Variants in CNTNAP2 observed in about 807,000 individuals in gnomAD.
CNTNAP2 encodes the protein contactin-associated protein-like 2.
CNTNAP2 carries 98 observed loss-of-function variants against 155.2 expected under a neutral mutation model. The ratio of observed to expected loss-of-function variants is 0.63; its 90% CI spans 0.54 to 0.75. The LOEUF (loss-of-function observed/expected upper bound fraction) is 0.75. CNTNAP2 is among the 30% of genes least tolerant of loss of function. The pLI is 0.00. For missense variants in CNTNAP2, 1,727 were observed against 1,688.1 expected (o/e 1.02, Z -0.40); for synonymous variants, 651 against 631.2 (o/e 1.03, Z -0.47).
chr7:146,846,783 T>C (rs1055809756), intron 3 of CNTNAP2, among the ~76,000 whole-genome samples: 7 of 152,146 alleles, frequency 4.6e-5, no homozygotes, highest in Non-Finnish European at 8.8e-5. Flanking sequence ...ATTATTGGCA[T>C]ATATTATGAG....
chr7:147,487,535 A>G (rs922488353), intron 11 of CNTNAP2, among the ~76,000 whole-genome samples: 2 of 152,214 alleles, frequency 1.3e-5, no homozygotes, highest in African/African-American at 2.4e-5. Context: ...ATTTAATTAC[A>G]CGGGATCTTG....
intron 8 of CNTNAP2, among the ~76,000 whole-genome samples, chr7:147,269,464 A>G (rs935472450): frequency 6.6e-6 from 1 of 152,154 alleles, no homozygotes; most frequent in South Asian, 2.1e-4. Flanking sequence ...AAGGAGAAGG[A>G]GTGACTTAGA....
rs530241954 is a variant in CNTNAP2, at chr7:146,327,238, T to A, written c.97+210265T>A. Among the ~76,000 whole-genome samples, 522 of 152,326 alleles carry A rather than the reference T, an allele frequency of 3.4e-3. 3 individuals carry two copies. Among genetic ancestry groups the A allele is most frequent in the Non-Finnish European group, 5.4e-3 (369 of 68,032 alleles). The stretch of plus-strand genomic sequence containing the variant: ...CAGTGGAGCTTACACAAAATTTTGA[T>A]TTAAGAGCAATCTGAACTAGTCAAA... On this transcript the variant is annotated intron_variant, in intron 1 of 23. Transcript: ENST00000361727.
At chr7:147,360,552 CTCTA>C (rs778091284) in intron 9 of CNTNAP2, among the ~76,000 whole-genome samples, 10 of 152,018 alleles carry the variant, frequency 6.6e-5, no homozygotes, top group East Asian at 1.9e-4. Context: ...CTTTAGATTT[CTCTA>C]TCTAAGGCAT....
intron 4 of CNTNAP2, among the ~76,000 whole-genome samples, chr7:147,087,924 C>A (rs1232040907): frequency 6.6e-6 from 1 of 152,092 alleles, no homozygotes; most frequent in African/African-American, 2.4e-5. Context: ...TTGCAGTAGG[C>A]CGAGATTGTG....
intron 13 of CNTNAP2, among the ~76,000 whole-genome samples, chr7:147,741,191 G>A (rs1258846372): frequency 6.6e-6 from 1 of 152,222 alleles, no homozygotes; most frequent in African/African-American, 2.4e-5. Context: ...ACTGGCCGCA[G>A]CACTGTCTGC....
At chr7:148,036,974 G>A (rs1382282816) in intron 15 of CNTNAP2, among the ~76,000 whole-genome samples, 1 of 151,978 alleles carries the variant, frequency 6.6e-6, no homozygotes, top group Non-Finnish European at 1.5e-5. Context: ...TAGCACAAGT[G>A]GTAATAATTC....
At chr7:147,000,496 C>T (rs974716851) in intron 3 of CNTNAP2, among the ~76,000 whole-genome samples, 2 of 151,982 alleles carry the variant, frequency 1.3e-5, no homozygotes, top group Non-Finnish European at 2.9e-5. Flanking sequence ...GATACTTATT[C>T]CAGTCTTTGC....
intron 4 of CNTNAP2, among the ~76,000 whole-genome samples, chr7:147,058,701 G>A (rs969923303): frequency 6.6e-6 from 1 of 152,082 alleles, no homozygotes; most frequent in Non-Finnish European, 1.5e-5. Context: ...CTGCCTCCCG[G>A]GTTCAAGTGA....
intron 11 of CNTNAP2, among the ~76,000 whole-genome samples, chr7:147,488,273 A>C (rs79854863): frequency 0.028 from 4,281 of 152,328 alleles, 204 homozygotes; most frequent in African/African-American, 0.097. Flanking sequence ...AGAAGAACGA[A>C]GTGCGAAGGC....
chr7:147,945,270 T>C (rs1175114192), intron 14 of CNTNAP2, among the ~76,000 whole-genome samples: 6 of 152,266 alleles, frequency 3.9e-5, no homozygotes, highest in South Asian at 4.1e-4. Flanking sequence ...TGATATAATT[T>C]TAACATAAAA....
chr7:147,753,362 C>T (rs929215716), intron 13 of CNTNAP2, among the ~76,000 whole-genome samples: 2 of 152,094 alleles, frequency 1.3e-5, no homozygotes, highest in Non-Finnish European at 2.9e-5. Flanking sequence ...TTTCTGAGGC[C>T]CTAGTCACTT....
intron 4 of CNTNAP2, among the ~76,000 whole-genome samples, chr7:147,078,628 C>G (rs1449435865): frequency 6.6e-6 from 1 of 152,064 alleles, no homozygotes; most frequent in African/African-American, 2.4e-5. Context: ...TATAGGTCCC[C>G]TGGCCACGAT....
chr7:147,239,319 A>T (rs1584812304), intron 8 of CNTNAP2, among the ~76,000 whole-genome samples: 1 of 152,140 alleles, frequency 6.6e-6, no homozygotes, highest in East Asian at 1.9e-4. Context: ...CAGCCTGACC[A>T]ACATGGTGAA....
At chr7:148,411,083 C>G (rs1417384568) in intron 23 of CNTNAP2, among the ~76,000 whole-genome samples, 1 of 152,110 alleles carries the variant, frequency 6.6e-6, no homozygotes, top group African/African-American at 2.4e-5. Context: ...GTGTTTTCTT[C>G]TCACCATGGA....
At chr7:147,156,633 T>A (rs7777990) in intron 8 of CNTNAP2, among the ~76,000 whole-genome samples, 6,444 of 152,178 alleles carry the variant, frequency 0.042, 417 homozygotes, top group African/African-American at 0.14. Flanking sequence ...TGAGAGGCAA[T>A]GAGAAAAGGT....
chr7:146,653,751 G>C (rs1799952590), intron 1 of CNTNAP2, among the ~76,000 whole-genome samples: 1 of 152,098 alleles, frequency 6.6e-6, no homozygotes, highest in Admixed American at 6.6e-5. Flanking sequence ...TTAATTTATA[G>C]AAACATGGGT....
chr7:147,355,525 C>A (rs536825325), intron 9 of CNTNAP2, among the ~76,000 whole-genome samples: 1 of 151,750 alleles, frequency 6.6e-6, no homozygotes, highest in African/African-American at 2.4e-5. Flanking sequence ...AAAAGATTAA[C>A]AAAATAGATA....
chr7:147,470,267 G>T (rs577034920), intron 10 of CNTNAP2, among the ~76,000 whole-genome samples: 39 of 152,322 alleles, frequency 2.6e-4, no homozygotes, highest in African/African-American at 8.9e-4. Flanking sequence ...TAGTGTCTTG[G>T]ATGAGAATAA....
Sources: allele counts gnomAD v4.1 joint callset (sites outside exome capture counted in the v4.1 genomes callset), GRCh38; gene constraint gnomAD v4.1.1; transcripts MANE v1.5; gene names NCBI Gene and HGNC (gene_info 2026-07-23, HGNC 2026-07-21).